Variants in POM121 observed in about 807,000 individuals in gnomAD.
POM121 encodes POM121 transmembrane nucleoporin, also known as nuclear envelope pore membrane protein POM 121.
Under a neutral mutation model 81.3 loss-of-function variants are expected in POM121, and 32 were observed. The observed-to-expected ratio is 0.39, with a 90% CI of 0.30 to 0.53. The LOEUF (loss-of-function observed/expected upper bound fraction) is 0.53. POM121 is among the 20% of genes least tolerant of loss of function. The pLI, the probability that POM121 is intolerant of heterozygous loss-of-function variation, is 0.66. For missense variants in POM121, 1,138 were observed against 1,614.6 expected, an observed-to-expected ratio of 0.70 and a Z score of 5.06; for synonymous variants, 514 against 694.2, an observed-to-expected ratio of 0.74 and a Z score of 4.08.
At chr7:72,937,338 G>T (rs1796612136) in intron 5 of POM121, among the ~76,000 whole-genome samples, 1 of 151,884 alleles carries the variant, frequency 6.6e-6, no homozygotes, top group Non-Finnish European at 1.5e-5. Context: ...GATTGAAAAT[G>T]CCGCTTATAT....
intron 11 of POM121, among the ~76,000 whole-genome samples, chr7:72,944,674 A>T (rs1554502751): frequency 6.6e-6 from 1 of 152,100 alleles, no homozygotes; most frequent in Non-Finnish European, 1.5e-5. Flanking sequence ...GATGCAGCTC[A>T]GGGGGTGCAG....
At chr7:72,943,970 T>G in intron 11 of POM121, among the ~76,000 whole-genome samples, 1 of 151,506 alleles carries the variant, frequency 6.6e-6, no homozygotes, top group Admixed American at 6.6e-5. Context: ...AACCCAGGAG[T>G]TGGAGGTTGC....
chr7:72,948,442 C>T, downstream of POM121: 1 of 1,613,452 alleles, frequency 6.2e-7, no homozygotes, highest in Non-Finnish European at 8.5e-7. Flanking sequence ...AGAGGACAGG[C>T]ATCTTCCTTT....
chr7:72,923,403 C>T (rs1238193358), upstream of POM121, among the ~76,000 whole-genome samples: 1 of 152,094 alleles, frequency 6.6e-6, no homozygotes, highest in African/African-American at 2.4e-5. Context: ...ACTTCCCTGT[C>T]TACCTTCCCC....
rs544203931 is a variant in POM121 at position 72,889,686 on chromosome 7, T to A, written c.-520-941T>A. Among the ~76,000 whole-genome samples the A allele has an allele frequency of 4.5e-4, 68 of 152,288 alleles. 1 individual carries two copies. Among genetic ancestry groups the A allele is most frequent in the South Asian group, 4.4e-3 (21 of 4,826 alleles). Reference sequence around the variant, plus strand: ...GATGCCCAGCCAATTTTTAAAAAAATTTTTATTTTTAGCAGAGATAAGGTT... The same window carrying A: ...GATGCCCAGCCAATTTTTAAAAAAAATTTTATTTTTAGCAGAGATAAGGTT... On this transcript the variant is annotated intron_variant, in intron 1 of 15. Coordinates refer to the POM121 transcript ENST00000395270.
intron 5 of POM121, among the ~76,000 whole-genome samples, chr7:72,938,331 G>T (rs1796720659): frequency 2.0e-5 from 3 of 151,398 alleles, no homozygotes; most frequent in Admixed American, 2.0e-4. Flanking sequence ...TGGGACCACA[G>T]ATGCAAACCA....
At chr7:72,936,426 T>C (rs55924357) in intron 5 of POM121, among the ~76,000 whole-genome samples, 18,298 of 151,752 alleles carry the variant, frequency 0.12, 1,210 homozygotes, top group Middle Eastern at 0.22. Flanking sequence ...TACAGGCACC[T>C]GCCACCACAC....
intron 3 of POM121, among the ~76,000 whole-genome samples, chr7:72,911,926 C>G (rs1246292205): frequency 6.6e-6 from 1 of 152,256 alleles, no homozygotes; most frequent in African/African-American, 2.4e-5. Flanking sequence ...GGGTTGCACT[C>G]TGTCACCCAG....
intron 3 of POM121, among the ~76,000 whole-genome samples, chr7:72,893,963 T>C (rs371286798): frequency 6.6e-6 from 1 of 152,126 alleles, no homozygotes; most frequent in Middle Eastern, 3.4e-3. Context: ...CTGCCCCCGT[T>C]TTCTCTTTTT....
chr7:72,948,094 C>A lies in POM121; in HGVS notation c.*1860C>A. 7.4e-7 allele frequency: 1 copy of A among 1,357,070 alleles called. No homozygotes were observed. Among genetic ancestry groups the A allele is most frequent in the Non-Finnish European group, 9.5e-7 (1 of 1,053,466 alleles). The allele number at this position is 1,357,070 out of a possible 1,614,324, so 84.1% of individuals were successfully genotyped here. On this transcript the variant is annotated 3_prime_UTR_variant, in exon 13 of 13. Transcript: ENST00000434423. ...TACCTGAGCTAGTTTACCTCAGTTC[C>A]GCAGGCAGGACAGCCGGTCCGGGAA... is the stretch of plus-strand genomic sequence containing the variant.
intron 5 of POM121, 152 bp from the exon 6 acceptor site, chr7:72,938,438 A>G: frequency 1.1e-6 from 1 of 923,814 alleles, no homozygotes; most frequent in Non-Finnish European, 1.7e-6. Flanking sequence ...CGATCCTCCC[A>G]CCTTGGCCTC....
chr7:72,948,861 C>A (rs372953451), downstream of POM121: 4 of 1,593,092 alleles, frequency 2.5e-6, no homozygotes, highest in Non-Finnish European at 3.4e-6. Flanking sequence ...ACCCCATCCC[C>A]CCCTCCACGA....
At chr7:72,898,584 G>T (rs1347574849) in intron 3 of POM121, among the ~76,000 whole-genome samples, 2 of 152,118 alleles carry the variant, frequency 1.3e-5, no homozygotes, top group Non-Finnish European at 2.9e-5. Flanking sequence ...ATCACCTGCG[G>T]TCGGGAGTGT....
chr7:72,882,849 A>C (rs1207770867), intron 1 of POM121, among the ~76,000 whole-genome samples: 8 of 152,182 alleles, frequency 5.3e-5, no homozygotes, highest in African/African-American at 1.9e-4. Context: ...AAAGGTGACC[A>C]GTGATTTAAT....
chr7:72,938,124 C>G (rs1796691884), intron 5 of POM121, among the ~76,000 whole-genome samples: 1 of 152,160 alleles, frequency 6.6e-6, no homozygotes, highest in South Asian at 2.1e-4. Flanking sequence ...TATTCGCATT[C>G]CATTACTTTT....
chr7:72,884,828 A>G (rs1335390662), intron 1 of POM121, among the ~76,000 whole-genome samples: 1 of 151,698 alleles, frequency 6.6e-6, no homozygotes, highest in Non-Finnish European at 1.5e-5. Flanking sequence ...TTTACCCTAT[A>G]AAGTTTTAGA....
chr7:72,931,387 A>G (rs535568527), intron 5 of POM121, among the ~76,000 whole-genome samples: 1 of 152,312 alleles, frequency 6.6e-6, no homozygotes, highest in East Asian at 1.9e-4. Context: ...TAGAGACTAC[A>G]GTCTAAGTTT....
exon 1 of POM121, chr7:72,879,591 C>G: frequency 3.4e-6 from 1 of 295,868 alleles, no homozygotes; most frequent in Non-Finnish European, 6.6e-6. Context: ...AGGGGCCAGG[C>G]GGGAGGTGGT....
chr7:72,912,625 C>T (rs1793913853), intron 3 of POM121, among the ~76,000 whole-genome samples: 2 of 152,058 alleles, frequency 1.3e-5, no homozygotes, highest in Non-Finnish European at 2.9e-5. Flanking sequence ...AACGCGCACA[C>T]AAAATTAGCC....
Sources: gnomAD v4.1 joint callset for allele counts (sites outside exome capture counted in the v4.1 genomes callset) on GRCh38, gnomAD v4.1.1 for gene constraint, MANE v1.5 for transcripts, NCBI Gene and HGNC (gene_info 2026-07-23, HGNC 2026-07-21) for gene names.